Variants in ARHGEF28 observed in about 807,000 individuals in gnomAD.
ARHGEF28 encodes the protein Rho guanine nucleotide exchange factor 28.
In ARHGEF28, 152 loss-of-function variants were observed where a neutral mutation model predicts 206.6. The ratio of observed to expected loss-of-function variants is 0.74; its 90% CI spans 0.64 to 0.84. The LOEUF is 0.84. ARHGEF28 is among the 40% of genes least tolerant of loss of function. The probability of loss-of-function intolerance (pLI) is 0.00; values close to 1 mark genes in which losing one functional copy is unlikely to be tolerated. For missense variants in ARHGEF28, 2,028 were observed against 2,073.2 expected (o/e 0.98, Z 0.42); for synonymous variants, 763 against 776.4 (o/e 0.98, Z 0.29).
At chr5:73,727,898 C>T (rs1750378022) in intron 2 of ARHGEF28, among the ~76,000 whole-genome samples, 1 of 152,124 alleles carries the variant, frequency 6.6e-6, no homozygotes, top group African/African-American at 2.4e-5. Flanking sequence ...CTCAGGTAGT[C>T]TGAGTTCATT....
At chr5:73,774,080 A>AGTC (rs1400361474) in intron 5 of ARHGEF28, 42 bp downstream of exon 5, 2 of 1,503,146 alleles carry the variant, frequency 1.3e-6, no homozygotes, top group East Asian at 4.8e-5. Context: ...ATTTGTATAA[A>AGTC]GTCGGCCAAG....
chr5:73,683,948 G>A (rs1249684565), intron 1 of ARHGEF28, among the ~76,000 whole-genome samples: 1 of 151,952 alleles, frequency 6.6e-6, no homozygotes, highest in African/African-American at 2.4e-5. Context: ...GTTTCCATAT[G>A]TGTGGAAACT....
Position 73,832,349 on chromosome 5 carries a change from G to C in ARHGEF28, c.1036G>C (p.Asp346His). The C allele has an allele frequency of 6.2e-7, 1 of 1,612,404 alleles. No homozygotes were observed. Among genetic ancestry groups the C allele is most frequent in the Non-Finnish European group, 8.5e-7 (1 of 1,179,248 alleles). ...QHSLDLDRSF[D>H]ILKKSKPPST... Reference sequence around the variant, plus strand: ...TTTTTGTACTCTAGATCGCTCCTTCGATATCCTAAAAAAATCCAAGCCGCC... The same window carrying C: ...TTTTTGTACTCTAGATCGCTCCTTCCATATCCTAAAAAAATCCAAGCCGCC... Residue 346 changes from aspartate (D) to histidine (H), a missense_variant, in exon 10 of 36, where the codon GAT (aspartate) becomes CAT (histidine). Physicochemically the swap from Asp to His is moderately conservative, Grantham distance 81 (BLOSUM62 -1). Around this residue, in one of 3 missense-constraint regions of ARHGEF28, gnomAD observed 1,002 missense variants for 1,015.3 expected, o/e 0.99. Coordinates refer to ENST00000513042, the MANE Select transcript of ARHGEF28 (RefSeq NM_001177693.2).
intron 3 of ARHGEF28, among the ~76,000 whole-genome samples, chr5:73,751,839 T>C (rs1752032691): frequency 6.6e-6 from 1 of 152,144 alleles, no homozygotes; most frequent in Admixed American, 6.5e-5. Context: ...AAGACAGATT[T>C]ATTTAATATT....
intron 7 of ARHGEF28, among the ~76,000 whole-genome samples, chr5:73,791,119 A>G (rs982625781): frequency 1.3e-5 from 2 of 152,190 alleles, no homozygotes; most frequent in Admixed American, 6.5e-5. Flanking sequence ...TCAGCTATGT[A>G]TATTTTGGGC....
chr5:73,888,978 G>A (rs928586297), intron 26 of ARHGEF28, among the ~76,000 whole-genome samples: 7 of 152,160 alleles, frequency 4.6e-5, no homozygotes, highest in African/African-American at 1.4e-4. Flanking sequence ...TAAGCCCTTG[G>A]TGGTATCAGA....
intron 9 of ARHGEF28, among the ~76,000 whole-genome samples, chr5:73,819,148 G>T (rs1580662348): frequency 6.6e-6 from 1 of 152,328 alleles, no homozygotes; most frequent in African/African-American, 2.4e-5. Context: ...TACAGAGAAT[G>T]TATCAAAGTG....
At chr5:73,722,611 C>T (rs548504459) in intron 2 of ARHGEF28, among the ~76,000 whole-genome samples, 1 of 152,328 alleles carries the variant, frequency 6.6e-6, no homozygotes, top group South Asian at 2.1e-4. Context: ...ATTCTTACTC[C>T]TATTTATTGT....
chr5:73,704,008 A>G (rs933711711), intron 2 of ARHGEF28, among the ~76,000 whole-genome samples: 3 of 144,820 alleles, frequency 2.1e-5, no homozygotes, highest in Non-Finnish European at 4.5e-5. Context: ...TAGATGACAG[A>G]GTGAGACTCT....
At chr5:73,811,920 T>C (rs1295520693) in intron 9 of ARHGEF28, among the ~76,000 whole-genome samples, 2 of 149,352 alleles carry the variant, frequency 1.3e-5, no homozygotes, top group Non-Finnish European at 3.0e-5. Context: ...GAGGCAGAGG[T>C]TGCAATGAGC....
intron 9 of ARHGEF28, among the ~76,000 whole-genome samples, chr5:73,825,243 G>A (rs990752710): frequency 6.6e-6 from 1 of 152,220 alleles, no homozygotes; most frequent in African/African-American, 2.4e-5. Flanking sequence ...GTTGGCGGTT[G>A]CCATTTCATA....
chr5:73,804,970 C>A (rs1755353692), intron 9 of ARHGEF28, among the ~76,000 whole-genome samples: 1 of 152,134 alleles, frequency 6.6e-6, no homozygotes, highest in Non-Finnish European at 1.5e-5. Context: ...GGTGTGGTGT[C>A]TACATAAATT....
At chr5:73,912,109 CATA>C (rs1280250421) in intron 35 of ARHGEF28, among the ~76,000 whole-genome samples, 2 of 151,890 alleles carry the variant, frequency 1.3e-5, no homozygotes, top group Non-Finnish European at 2.9e-5. Context: ...ATAAGTACCT[CATA>C]ATAACACAAT....
intron 10 of ARHGEF28, among the ~76,000 whole-genome samples, chr5:73,832,936 T>C (rs1206481678): frequency 1.3e-5 from 2 of 152,192 alleles, no homozygotes; most frequent in South Asian, 2.1e-4. Context: ...TGTAGTAAGA[T>C]TGTAGAGCTT....
intron 33 of ARHGEF28, chr5:73,905,426 C>T (rs1214099838): frequency 6.6e-6 from 1 of 151,930 alleles, no homozygotes; most frequent in African/African-American, 2.4e-5. Context: ...TTAATTTACT[C>T]ATTAAAATGT....
chr5:73,788,110 T>C (rs1205654966), intron 7 of ARHGEF28, among the ~76,000 whole-genome samples: 1 of 151,680 alleles, frequency 6.6e-6, no homozygotes, highest in Non-Finnish European at 1.5e-5. Flanking sequence ...CTGAGTCAGA[T>C]AAGCAGCCTA....
rs577706185 is a variant in ARHGEF28 at position 73,644,303 on chromosome 5, G to A, written c.-12+17981G>A. 1.1e-4 allele frequency among the ~76,000 whole-genome samples: 17 copies of A among 152,312 alleles called. No homozygotes were observed. The East Asian group carries it at 3.3e-3, about 29-fold the overall frequency. ...AGCAGACCCTGAGTTAATTTCTGTG[G>A]AATTCTTCCTCACCTATGTTCACCT... On this transcript the variant is annotated intron_variant, in intron 1 of 35. Coordinates refer to ENST00000513042, the MANE Select transcript of ARHGEF28 (RefSeq NM_001177693.2).
At chr5:73,928,040 A>T (rs1267764742) in intron 35 of ARHGEF28, among the ~76,000 whole-genome samples, 1 of 152,238 alleles carries the variant, frequency 6.6e-6, no homozygotes. Context: ...AAAAAGTTTT[A>T]TGTTTTCCTG....
At chr5:73,754,438 C>A (rs559497887) in intron 4 of ARHGEF28, among the ~76,000 whole-genome samples, 1 of 151,972 alleles carries the variant, frequency 6.6e-6, no homozygotes, top group African/African-American at 2.4e-5. Context: ...CTAATTGATA[C>A]GTATGGCGTG....
Sources: allele counts gnomAD v4.1 joint callset (sites outside exome capture counted in the v4.1 genomes callset), GRCh38; gene constraint gnomAD v4.1.1; regional missense constraint gnomAD v4.1.1; transcripts MANE v1.5; gene names NCBI Gene and HGNC (gene_info 2026-07-23, HGNC 2026-07-21).